ST3GAL1: variants seen among roughly 807,000 people sequenced by gnomAD.
The protein encoded by ST3GAL1 is CMP-N-acetylneuraminate-beta-galactosamide-alpha-2,3-sialyltransferase 1.
In ST3GAL1, 16 loss-of-function variants were observed where a neutral mutation model predicts 34.1. The observed-to-expected ratio is 0.47, with a 90% CI of 0.32 to 0.71. The LOEUF is 0.71. ST3GAL1 is among the 30% of genes least tolerant of loss of function. The pLI is 0.04. For synonymous variants in ST3GAL1, 191 were observed against 184.7 expected, an observed-to-expected ratio of 1.03 and a Z score of -0.28; for missense variants, 353 against 447.4, an observed-to-expected ratio of 0.79 and a Z score of 1.90.
chr8:133,500,494 A>C (rs951511762), intron 2 of ST3GAL1, among the ~76,000 whole-genome samples: 1 of 152,186 alleles, frequency 6.6e-6, no homozygotes, highest in Non-Finnish European at 1.5e-5. Flanking sequence ...GGTTATAGGG[A>C]GGAGACACAG....
rs770115421 is a variant in ST3GAL1 at position 133,475,774 on chromosome 8, G to A, written c.251C>T (p.Pro84Leu). The change falls in exon 5 of 10, where the codon CCG becomes CTG. Residue 84 changes from proline (P) to leucine (L), a missense_variant. Physicochemically the swap from Pro to Leu is moderately conservative, Grantham distance 98 (BLOSUM62 -3). Transcript: ENST00000522652. ...FDERFNQTMQ[P>L]LLTAQNALLE... ...GAGCGCGTTCTGGGCGGTCAGCAGC[G>A]GCTGCATGGTCTGGTTGAACCTCTC... 76 of 1,613,210 alleles carry A rather than the reference G, an allele frequency of 4.7e-5. No individual in the cohort carries two copies. The highest frequency in any genetic ancestry group is 5.9e-5 in the Non-Finnish European group (70 of 1,179,588).
At chr8:133,475,456 A>T (rs1816131384) in intron 5 of ST3GAL1, among the ~76,000 whole-genome samples, 1 of 152,218 alleles carries the variant, frequency 6.6e-6, no homozygotes, top group South Asian at 2.1e-4. Context: ...TCTGACTTAG[A>T]TATAATAGAT....
chr8:133,502,715 G>T (rs1817221966), intron 2 of ST3GAL1, among the ~76,000 whole-genome samples: 1 of 152,256 alleles, frequency 6.6e-6, no homozygotes, highest in Admixed American at 6.5e-5. Context: ...CTGAGGCACA[G>T]TGTGGTCAAG....
Position 133,459,961 on chromosome 8 carries a change from G to C in ST3GAL1, c.850-24C>G, listed in dbSNP as rs750751685. 1 of 1,594,066 alleles carries C rather than the reference G, an allele frequency of 6.3e-7. No homozygotes were observed. The highest frequency in any genetic ancestry group is 1.3e-5 in the African/African-American group (1 of 74,362). On this transcript the variant is annotated intron_variant, in intron 9 of 9. Transcript: ENST00000522652. The surrounding 1 kb of genome is among the most constrained non-coding windows in gnomAD (Gnocchi z 4.7). Reference sequence around the variant, plus strand: ...ACCTGTGGGAGCAAAGCAAAGATGAGAACCAGACAGCAGGGCTGCTGGTGG... The same window carrying C: ...ACCTGTGGGAGCAAAGCAAAGATGACAACCAGACAGCAGGGCTGCTGGTGG...
intron 1 of ST3GAL1, among the ~76,000 whole-genome samples, chr8:133,552,773 A>G (rs1360823480): frequency 1.3e-5 from 2 of 152,192 alleles, no homozygotes; most frequent in African/African-American, 4.8e-5. Flanking sequence ...TTGAAGGCTA[A>G]CCACTGAGGT....
At chr8:133,530,173 CTAT>C (rs1818107903) in intron 2 of ST3GAL1, among the ~76,000 whole-genome samples, 2 of 152,080 alleles carry the variant, frequency 1.3e-5, no homozygotes, top group Non-Finnish European at 2.9e-5. Context: ...GGGTCTTGTC[CTAT>C]TCAGAATGCC....
intron 1 of ST3GAL1, among the ~76,000 whole-genome samples, chr8:133,560,473 C>T (rs1390350087): frequency 6.6e-6 from 1 of 152,218 alleles, no homozygotes; most frequent in Non-Finnish European, 1.5e-5. Flanking sequence ...CTCAGAGCCC[C>T]AGGCTTTGGG....
Position 133,463,413 on chromosome 8 carries a change from C to T in ST3GAL1, c.729+1G>A. ...ACAGAGGGGCCGGGGCCTCCACTCA[C>T]CTTATCCTGTTTCACTCTGATCTTT... On this transcript the variant is annotated splice_donor_variant, in intron 8 of 9. Transcript: ENST00000522652. LOFTEE classifies it high-confidence loss of function. The T allele has an allele frequency of 6.2e-7, 1 of 1,613,966 alleles. No individual in the cohort carries two copies. The highest frequency in any genetic ancestry group is 1.3e-5 in the African/African-American group (1 of 75,026).
chr8:133,553,257 A>C (rs1164499898), intron 1 of ST3GAL1, among the ~76,000 whole-genome samples: 1 of 152,122 alleles, frequency 6.6e-6, no homozygotes, highest in Admixed American at 6.5e-5. Context: ...GAACTGAGAC[A>C]ATCAACTTCC....
chr8:133,527,171 G>C (rs895537924), intron 2 of ST3GAL1, among the ~76,000 whole-genome samples: 1 of 152,150 alleles, frequency 6.6e-6, no homozygotes, highest in Non-Finnish European at 1.5e-5. Context: ...TCTGAGGGGA[G>C]GGGAGGCAGA....
At chr8:133,483,516 C>G (rs1210415835) in intron 3 of ST3GAL1, among the ~76,000 whole-genome samples, 1 of 152,148 alleles carries the variant, frequency 6.6e-6, no homozygotes, top group Non-Finnish European at 1.5e-5. Context: ...AAAAGTCCAG[C>G]AGAACCCTTG....
chr8:133,464,317 G>T (rs144842816), intron 7 of ST3GAL1, among the ~76,000 whole-genome samples: 1 of 152,176 alleles, frequency 6.6e-6, no homozygotes, highest in African/African-American at 2.4e-5. Context: ...AGCCACAGCC[G>T]CGTTGCTCAG....
chr8:133,529,294 GA>G, intron 2 of ST3GAL1, among the ~76,000 whole-genome samples: 1 of 152,240 alleles, frequency 6.6e-6, no homozygotes, highest in East Asian at 1.9e-4. Context: ...ATGCCAGACA[GA>G]AAGCGGGCCA....
chr8:133,494,899 G>A (rs575244096), intron 3 of ST3GAL1, among the ~76,000 whole-genome samples: 92 of 145,032 alleles, frequency 6.3e-4, no homozygotes, highest in African/African-American at 2.2e-3. Flanking sequence ...CGGCCTCTGC[G>A]TTTTTCCTCT....
At chr8:133,540,852 G>T (rs202117871) in intron 2 of ST3GAL1, among the ~76,000 whole-genome samples, 156 of 74,018 alleles carry the variant, frequency 2.1e-3, no homozygotes, top group South Asian at 7.6e-3. Context: ...CATATATATA[G>T]AGACATATAT....
chr8:133,475,871 T>A lies in ST3GAL1; in HGVS notation c.154A>T (p.Arg52Ter). ...GTGCAAGGCCTGTGCTTGATCAGTC[T>A]CTTCAGGTTCTCGGAGAGCTCCAGG... ...MVLELSENLK[R>*]LIKHRPCTCT... is the part of the protein sequence containing the mutation. The change falls in exon 5 of 10, where the codon AGA (arginine) becomes TGA (stop). Residue 52 changes from arginine to a stop codon, truncating the protein, a stop_gained. Coordinates refer to ENST00000522652, the MANE Select transcript of ST3GAL1 (RefSeq NM_173344.3). LOFTEE classifies it high-confidence loss of function. 2 of 1,613,980 alleles carry A rather than the reference T, an allele frequency of 1.2e-6. No homozygotes were observed. Among genetic ancestry groups the A allele is most frequent in the East Asian group, 4.5e-5 (2 of 44,862 alleles).
chr8:133,559,231 C>G (rs1819148610), intron 1 of ST3GAL1, among the ~76,000 whole-genome samples: 1 of 152,152 alleles, frequency 6.6e-6, no homozygotes, highest in African/African-American at 2.4e-5. Context: ...TATGTCGTTT[C>G]CCTTAAACTC....
chr8:133,480,342 C>T (rs887516960), intron 3 of ST3GAL1, among the ~76,000 whole-genome samples: 1 of 152,164 alleles, frequency 6.6e-6, no homozygotes, highest in Admixed American at 6.5e-5. Context: ...GGGCAATGAC[C>T]AGAGACTGAG....
In ST3GAL1 at chr8:133,487,036, C is replaced by G. The variant is rs568832884; in HGVS notation, c.-373-10436G>C. On this transcript the variant is annotated intron_variant, in intron 3 of 9. Transcript: ENST00000522652. ...TTGGCTCACCATAACTTCTGCCTCC[C>G]GGATTCAAGCGATTCTCCTGCCTCA... 4.6e-5 allele frequency among the ~76,000 whole-genome samples: 7 copies of G among 152,286 alleles called. No homozygotes were observed. The South Asian group carries it at 6.2e-4, about 14-fold the overall frequency.
Sources: gnomAD v4.1 joint callset for allele counts (sites outside exome capture counted in the v4.1 genomes callset) on GRCh38, gnomAD v4.1.1 for gene constraint, Gnocchi (gnomAD v3.1) non-coding constraint, MANE v1.5 for transcripts, NCBI Gene and HGNC (gene_info 2026-07-23, HGNC 2026-07-21) for gene names.